LRFN5: variants seen among roughly 807,000 people sequenced by gnomAD.
LRFN5 encodes leucine rich repeat and fibronectin type III domain containing 5.
A neutral mutation model predicts 45.6 loss-of-function variants in LRFN5; 24 were observed. That is an observed-to-expected ratio of 0.53 (90% CI 0.38 to 0.74). LRFN5 has a LOEUF of 0.74. Among genes scored for constraint, LRFN5 ranks in the 30% least tolerant of loss-of-function variants. The pLI, the probability that LRFN5 is intolerant of heterozygous loss-of-function variation, is 0.00. For synonymous variants in LRFN5, 340 were observed against 313.8 expected, an observed-to-expected ratio of 1.08 and a Z score of -0.88; for missense variants, 776 against 861.5, an observed-to-expected ratio of 0.90 and a Z score of 1.24.
At chr14:41,637,808 T>C (rs1472827043) in intron 1 of LRFN5, among the ~76,000 whole-genome samples, 8 of 152,156 alleles carry the variant, frequency 5.3e-5, no homozygotes, top group Non-Finnish European at 1.2e-4. Flanking sequence ...TCTTCATAAT[T>C]TCGAGGGAGT....
intron 2 of LRFN5, among the ~76,000 whole-genome samples, chr14:41,826,458 T>C (rs1006034992): frequency 2.0e-5 from 3 of 152,178 alleles, no homozygotes; most frequent in African/African-American, 7.2e-5. Context: ...TTCATTCTTA[T>C]CAAATTTTAG....
chr14:41,649,253 C>T (rs1231246747), intron 1 of LRFN5, among the ~76,000 whole-genome samples: 2 of 150,732 alleles, frequency 1.3e-5, no homozygotes, highest in Admixed American at 6.6e-5. Flanking sequence ...CCCCACCCCC[C>T]AAAAAAAGTA....
At chr14:41,847,842 A>G (rs1889122835) in intron 2 of LRFN5, among the ~76,000 whole-genome samples, 1 of 152,170 alleles carries the variant, frequency 6.6e-6, no homozygotes, top group African/African-American at 2.4e-5. Flanking sequence ...GGAACATAAA[A>G]TTCTCCAAAG....
In LRFN5 at chr14:41,696,988, A is replaced by C. The variant is rs1340873027; in HGVS notation, c.-196-69866A>C. On this transcript the variant is annotated intron_variant, in intron 1 of 5. Coordinates refer to ENST00000298119, the MANE Select transcript of LRFN5 (RefSeq NM_152447.5). ...GTGATATTATTGGATTCAACATATT[A>C]ATACTGTGTACACAGTTTTTGTATC... is the stretch of plus-strand genomic sequence containing the variant. 2.0e-5 allele frequency among the ~76,000 whole-genome samples: 3 copies of C among 152,006 alleles called. No homozygotes were observed. The East Asian group carries it at 5.8e-4, about 29-fold the overall frequency.
At chr14:41,634,254 T>G (rs374122600) in intron 1 of LRFN5, among the ~76,000 whole-genome samples, 2 of 152,270 alleles carry the variant, frequency 1.3e-5, no homozygotes, top group East Asian at 3.9e-4. Context: ...AGCCTATCTT[T>G]TCTTAAATTA....
intron 1 of LRFN5, among the ~76,000 whole-genome samples, chr14:41,667,213 A>G: frequency 6.6e-6 from 1 of 152,152 alleles, no homozygotes; most frequent in East Asian, 1.9e-4. Flanking sequence ...TTTGTAATGT[A>G]GGCTATCACT....
chr14:41,792,208 G>C (rs1364034955), intron 2 of LRFN5, among the ~76,000 whole-genome samples: 1 of 151,964 alleles, frequency 6.6e-6, no homozygotes, highest in Admixed American at 6.6e-5. Flanking sequence ...CAGGGAGTAG[G>C]TACAAAGATC....
chr14:41,819,672 G>C (rs1023467647), intron 2 of LRFN5, among the ~76,000 whole-genome samples: 3 of 152,114 alleles, frequency 2.0e-5, no homozygotes, highest in African/African-American at 7.2e-5. Context: ...GAAAGAGAGA[G>C]AGAGAGGTGA....
At chr14:41,866,299 A>C (rs1232949241) in intron 2 of LRFN5, among the ~76,000 whole-genome samples, 1 of 152,142 alleles carries the variant, frequency 6.6e-6, no homozygotes, top group Non-Finnish European at 1.5e-5. Context: ...AGGGTTTCTT[A>C]CACTAAAAAA....
intron 1 of LRFN5, among the ~76,000 whole-genome samples, chr14:41,705,935 T>C (rs1238968934): frequency 6.6e-6 from 1 of 152,176 alleles, no homozygotes; most frequent in Non-Finnish European, 1.5e-5. Flanking sequence ...AAGCATACCT[T>C]GTGGAAATCC....
intron 1 of LRFN5, among the ~76,000 whole-genome samples, chr14:41,736,423 C>G (rs1884433464): frequency 6.6e-6 from 1 of 152,164 alleles, no homozygotes; most frequent in African/African-American, 2.4e-5. Flanking sequence ...AGTGTCTGTT[C>G]ACATCCTTTG....
At chr14:41,842,513 A>G (rs190404023) in intron 2 of LRFN5, among the ~76,000 whole-genome samples, 1 of 150,940 alleles carries the variant, frequency 6.6e-6, no homozygotes, top group Admixed American at 6.6e-5. Flanking sequence ...GTATTTGTAC[A>G]TTAAGGGTTA....
intron 2 of LRFN5, among the ~76,000 whole-genome samples, chr14:41,882,846 C>CTT (rs71105409): frequency 0.24 from 25,975 of 107,214 alleles, 4,421 homozygotes; most frequent in Non-Finnish European, 0.33. Context: ...TGTATTTCCT[C>CTT]TTTTTTTTTT....
chr14:41,841,462 T>C (rs1361015013), intron 2 of LRFN5, among the ~76,000 whole-genome samples: 1 of 152,008 alleles, frequency 6.6e-6, no homozygotes, highest in African/African-American at 2.4e-5. Flanking sequence ...TGCTCACAGA[T>C]GACATTAGAT....
intron 1 of LRFN5, among the ~76,000 whole-genome samples, chr14:41,674,829 G>C (rs888052096): frequency 6.7e-6 from 1 of 150,314 alleles, no homozygotes; most frequent in Non-Finnish European, 1.5e-5. Flanking sequence ...GGGAGGAGGG[G>C]CTCCTCACTT....
intron 2 of LRFN5, among the ~76,000 whole-genome samples, chr14:41,793,976 T>C (rs1473524212): frequency 6.6e-6 from 1 of 152,106 alleles, no homozygotes; most frequent in African/African-American, 2.4e-5. Context: ...AAGGGAGTTA[T>C]TATAGATTCC....
At chr14:41,674,101 G>A (rs1297573675) in intron 1 of LRFN5, among the ~76,000 whole-genome samples, 9 of 148,610 alleles carry the variant, frequency 6.1e-5, no homozygotes, top group South Asian at 2.2e-4. Flanking sequence ...CCTCCTGGAC[G>A]GGGTGGCTGG....
chr14:41,786,605 T>G (rs1886730824), intron 2 of LRFN5, among the ~76,000 whole-genome samples: 1 of 151,618 alleles, frequency 6.6e-6, no homozygotes, highest in African/African-American at 2.4e-5. Flanking sequence ...AAGATTTCTT[T>G]GCTTGGGATT....
intron 2 of LRFN5, among the ~76,000 whole-genome samples, chr14:41,839,994 G>A (rs767858828): frequency 2.0e-5 from 3 of 151,862 alleles, no homozygotes; most frequent in African/African-American, 7.3e-5. Flanking sequence ...CCTCTCTTTT[G>A]TTCATCCATA....
Sources: allele counts gnomAD v4.1 joint callset (sites outside exome capture counted in the v4.1 genomes callset), GRCh38; gene constraint gnomAD v4.1.1; transcripts MANE v1.5; gene names NCBI Gene and HGNC (gene_info 2026-07-23, HGNC 2026-07-21).